LRP1B: variants seen among roughly 807,000 people sequenced by gnomAD.
The protein encoded by LRP1B is LDL receptor related protein 1B.
LRP1B carries 217 observed loss-of-function variants against 556.6 expected under a neutral mutation model. The ratio of observed to expected loss-of-function variants is 0.39; its 90% CI spans 0.35 to 0.44. LRP1B has a LOEUF of 0.44. Ranked by LOEUF, LRP1B falls within the 20% of genes least tolerant of loss-of-function variation. The pLI, the probability that LRP1B is intolerant of heterozygous loss-of-function variation, is 1.00. For synonymous variants in LRP1B, 2,047 were observed against 1,865.8 expected, an observed-to-expected ratio of 1.10 and a Z score of -2.50; for missense variants, 5,053 against 5,620.8, an observed-to-expected ratio of 0.90 and a Z score of 3.23.
intron 3 of LRP1B, among the ~76,000 whole-genome samples, chr2:141,385,530 G>A (rs530357562): frequency 1.3e-5 from 2 of 152,138 alleles, no homozygotes; most frequent in South Asian, 4.1e-4. Context: ...TGGGTTTATT[G>A]CAGAACAAGA....
chr2:141,774,530 C>A (rs1317229529), intron 2 of LRP1B, among the ~76,000 whole-genome samples: 1 of 152,132 alleles, frequency 6.6e-6, no homozygotes, highest in African/African-American at 2.4e-5. Flanking sequence ...CCACCTCCAA[C>A]ACTGGGAATT....
chr2:142,058,360 G>A (rs1205562100), intron 1 of LRP1B, among the ~76,000 whole-genome samples: 1 of 152,070 alleles, frequency 6.6e-6, no homozygotes, highest in Non-Finnish European at 1.5e-5. Context: ...CATCTGCCCT[G>A]TTCTTGCCTC....
intron 15 of LRP1B, among the ~76,000 whole-genome samples, chr2:141,004,829 T>C (rs539456884): frequency 2.0e-5 from 3 of 152,186 alleles, no homozygotes; most frequent in East Asian, 3.9e-4. Context: ...TTGAGAAATG[T>C]CAGCAAAAGT....
rs1476669104 is a variant in LRP1B at position 140,314,991 on chromosome 2, A to G, written c.12749T>C (p.Val4250Ala). The G allele has an allele frequency of 6.2e-7, 1 of 1,611,538 alleles. No homozygotes were observed. The highest frequency in any genetic ancestry group is 1.7e-5 in the Admixed American group (1 of 59,688). The change falls in exon 83 of 91, where the codon GTC becomes GCC. Residue 4250 changes from valine (V) to alanine (A), a missense_variant. Around this residue, in one of 5 missense-constraint regions of LRP1B, gnomAD observed 551 missense variants for 592.0 expected, o/e 0.93. Coordinates refer to ENST00000389484, the MANE Select transcript of LRP1B (RefSeq NM_018557.3). ...CTGGCAGTAGTTGCTACAGTGGTTG[A>G]CTTCACATCTTTCTCCTGAATAACT... ...WPSYSGERCE[V>A]NHCSNYCQNG... is the part of the protein sequence containing the mutation.
intron 32 of LRP1B, among the ~76,000 whole-genome samples, chr2:140,789,287 T>C (rs1406080979): frequency 2.0e-5 from 3 of 152,020 alleles, no homozygotes; most frequent in Non-Finnish European, 4.4e-5. Context: ...ATTACCTACC[T>C]CCAAATTACT....
chr2:141,441,518 T>A (rs1553515439), intron 3 of LRP1B, among the ~76,000 whole-genome samples: 1 of 152,168 alleles, frequency 6.6e-6, no homozygotes, highest in Non-Finnish European at 1.5e-5. Context: ...TTATTAAAAC[T>A]ATTTTTTTGT....
At chr2:140,587,775 T>G (rs1682045086) in intron 43 of LRP1B, among the ~76,000 whole-genome samples, 1 of 152,162 alleles carries the variant, frequency 6.6e-6, no homozygotes, top group African/African-American at 2.4e-5. Context: ...ACACAATTAT[T>G]ATTTGCTGAT....
At chr2:141,171,156 T>C (rs1680482490) in intron 7 of LRP1B, among the ~76,000 whole-genome samples, 1 of 152,146 alleles carries the variant, frequency 6.6e-6, no homozygotes, top group Non-Finnish European at 1.5e-5. Flanking sequence ...TAACACTTGT[T>C]ACAATTACTG....
At chr2:142,119,387 C>A (rs532707315) in intron 1 of LRP1B, among the ~76,000 whole-genome samples, 2 of 152,114 alleles carry the variant, frequency 1.3e-5, no homozygotes, top group South Asian at 4.1e-4. Context: ...GCCTTTTTGG[C>A]ACTCTGTTTA....
intron 1 of LRP1B, among the ~76,000 whole-genome samples, chr2:141,990,632 G>A (rs1056563005): frequency 6.6e-6 from 1 of 151,930 alleles, no homozygotes; most frequent in Non-Finnish European, 1.5e-5. Context: ...CAAACAATGT[G>A]GCTGGAGTTA....
At chr2:141,137,267 A>G (rs746217739) in intron 7 of LRP1B, among the ~76,000 whole-genome samples, 1 of 151,960 alleles carries the variant, frequency 6.6e-6, no homozygotes, top group Non-Finnish European at 1.5e-5. Flanking sequence ...TTAGTTACAG[A>G]GGGGAGAAAA....
intron 3 of LRP1B, among the ~76,000 whole-genome samples, chr2:141,392,110 A>C (rs1261795278): frequency 2.0e-5 from 3 of 152,100 alleles, no homozygotes; most frequent in Non-Finnish European, 2.9e-5. Context: ...GAAGCAAGGA[A>C]ACTCAGGAGC....
intron 3 of LRP1B, among the ~76,000 whole-genome samples, chr2:141,261,334 A>AT (rs1558966830): frequency 6.6e-6 from 1 of 152,080 alleles, no homozygotes; most frequent in African/African-American, 2.4e-5. Flanking sequence ...TTTTTATTGC[A>AT]TTTTTTTCTA....
At chr2:140,858,736 A>T (rs987853140) in intron 27 of LRP1B, among the ~76,000 whole-genome samples, 25 of 151,910 alleles carry the variant, frequency 1.6e-4, no homozygotes, top group African/African-American at 6.0e-4. Context: ...TCTCTCCCCT[A>T]TCCCCACCCC....
At chr2:142,007,933 A>G (rs2105148951) in intron 1 of LRP1B, among the ~76,000 whole-genome samples, 1 of 152,322 alleles carries the variant, frequency 6.6e-6, no homozygotes, top group Admixed American at 6.5e-5. Flanking sequence ...TAGGAGAGTT[A>G]AACGGTATTT....
intron 1 of LRP1B, among the ~76,000 whole-genome samples, chr2:142,100,148 G>A (rs1302940010): frequency 2.0e-5 from 3 of 151,842 alleles, no homozygotes; most frequent in African/African-American, 7.3e-5. Flanking sequence ...AAGGATACTT[G>A]GTTTTGTATT....
intron 53 of LRP1B, among the ~76,000 whole-genome samples, chr2:140,505,120 T>C (rs1689352004): frequency 6.6e-6 from 1 of 152,226 alleles, no homozygotes; most frequent in African/African-American, 2.4e-5. Flanking sequence ...ACAGTCTTTG[T>C]AAACACATAT....
intron 20 of LRP1B, among the ~76,000 whole-genome samples, chr2:140,929,353 G>C (rs1461601581): frequency 6.6e-6 from 1 of 152,080 alleles, no homozygotes; most frequent in Non-Finnish European, 1.5e-5. Context: ...AAATTAATCA[G>C]AGTGTTCTGG....
At chr2:141,755,393 A>G (rs1308738889) in intron 2 of LRP1B, among the ~76,000 whole-genome samples, 2 of 152,064 alleles carry the variant, frequency 1.3e-5, no homozygotes, top group African/African-American at 4.8e-5. Flanking sequence ...CATAGACCAC[A>G]TACCTATGAG....
Sources: gnomAD v4.1 joint callset for allele counts (sites outside exome capture counted in the v4.1 genomes callset) on GRCh38, gnomAD v4.1.1 for gene constraint, gnomAD v4.1.1 regional missense constraint, MANE v1.5 for transcripts, NCBI Gene and HGNC (gene_info 2026-07-23, HGNC 2026-07-21) for gene names.